Variants in LRFN5 observed in about 807,000 individuals in gnomAD.
LRFN5 encodes leucine-rich repeat and fibronectin type-III domain-containing protein 5.
LRFN5 carries 24 observed loss-of-function variants against 45.6 expected under a neutral mutation model. The observed-to-expected ratio is 0.53, with a 90% CI of 0.38 to 0.74. LRFN5 has a LOEUF of 0.74. LRFN5 is among the 30% of genes least tolerant of loss of function. The pLI, the probability that LRFN5 is intolerant of heterozygous loss-of-function variation, is 0.00. For missense variants in LRFN5, 776 were observed against 861.5 expected (o/e 0.90, Z 1.24); for synonymous variants, 340 against 313.8 (o/e 1.08, Z -0.88).
At chr14:41,781,422 T>C (rs1157327120) in intron 2 of LRFN5, among the ~76,000 whole-genome samples, 5 of 147,412 alleles carry the variant, frequency 3.4e-5, no homozygotes, top group African/African-American at 1.3e-4. Flanking sequence ...CACTTGAGCA[T>C]GGGAGGTTGA....
At chr14:41,758,877 T>G (rs1885528972) in intron 1 of LRFN5, among the ~76,000 whole-genome samples, 1 of 152,222 alleles carries the variant, frequency 6.6e-6, no homozygotes, top group Non-Finnish European at 1.5e-5. Context: ...GAGTCATCTT[T>G]TCTTTTGGAA....
chr14:41,767,637 A>G (rs117330790), intron 2 of LRFN5, among the ~76,000 whole-genome samples: 1,615 of 152,320 alleles, frequency 0.011, 10 homozygotes, highest in Admixed American at 0.017. Context: ...TGAAAATCAT[A>G]TATAGGAAAA....
At chr14:41,808,691 A>AAAATAAGTAAAT (rs1305387358) in intron 2 of LRFN5, among the ~76,000 whole-genome samples, 2 of 152,106 alleles carry the variant, frequency 1.3e-5, no homozygotes, top group African/African-American at 2.4e-5. Context: ...ATGTAAAAAC[A>AAAATAAGTAAAT]CTAAAACAAG....
intron 1 of LRFN5, among the ~76,000 whole-genome samples, chr14:41,663,867 AAT>A (rs1279385055): frequency 6.6e-6 from 1 of 152,038 alleles, no homozygotes; most frequent in African/African-American, 2.4e-5. Flanking sequence ...AAATGAAATA[AAT>A]AGTTTTTTTA....
intron 2 of LRFN5, among the ~76,000 whole-genome samples, chr14:41,828,843 T>G (rs2139028691): frequency 6.6e-6 from 1 of 152,088 alleles, no homozygotes; most frequent in Middle Eastern, 3.4e-3. Flanking sequence ...CAATGGACTT[T>G]ATTTTATGAC....
At chr14:41,638,864 G>A (rs1879431318) in intron 1 of LRFN5, among the ~76,000 whole-genome samples, 1 of 151,868 alleles carries the variant, frequency 6.6e-6, no homozygotes, top group South Asian at 2.1e-4. Context: ...TATTCTTCTA[G>A]AAATACAGCA....
At chr14:41,722,099 G>T in intron 1 of LRFN5, among the ~76,000 whole-genome samples, 1 of 151,426 alleles carries the variant, frequency 6.6e-6, no homozygotes, top group African/African-American at 2.4e-5. Flanking sequence ...GTCTAATTTG[G>T]CTAGTTTGAA....
intron 2 of LRFN5, among the ~76,000 whole-genome samples, chr14:41,835,026 A>T (rs867227452): frequency 6.7e-6 from 1 of 149,152 alleles, no homozygotes; most frequent in Admixed American, 6.7e-5. Flanking sequence ...AAAAAAAAAC[A>T]TGAAATAGAA....
chr14:41,744,104 A>G (rs1464076636), intron 1 of LRFN5, among the ~76,000 whole-genome samples: 2 of 152,190 alleles, frequency 1.3e-5, no homozygotes, highest in African/African-American at 4.8e-5. Context: ...CTATAATCCT[A>G]GCACTTTGGG....
intron 2 of LRFN5, among the ~76,000 whole-genome samples, chr14:41,803,324 C>A (rs1268247632): frequency 1.3e-5 from 2 of 152,004 alleles, no homozygotes; most frequent in Non-Finnish European, 2.9e-5. Context: ...TAATTCAACT[C>A]ATTGAGCAGT....
At chr14:41,721,871 T>G (rs913715715) in intron 1 of LRFN5, among the ~76,000 whole-genome samples, 6 of 152,134 alleles carry the variant, frequency 3.9e-5, no homozygotes, top group African/African-American at 1.4e-4. Context: ...GTACAGTATC[T>G]CACAGTTCTT....
intron 1 of LRFN5, among the ~76,000 whole-genome samples, chr14:41,668,890 A>T (rs1433065766): frequency 3.3e-5 from 5 of 152,122 alleles, no homozygotes; most frequent in Non-Finnish European, 7.4e-5. Context: ...TCTGACTTTT[A>T]TTCTTCTAAA....
chr14:41,825,554 A>T (rs1286942852), intron 2 of LRFN5, among the ~76,000 whole-genome samples: 1 of 152,226 alleles, frequency 6.6e-6, no homozygotes, highest in East Asian at 1.9e-4. Flanking sequence ...CTTGAGGTTC[A>T]GACTACCAGT....
intron 4 of LRFN5, among the ~76,000 whole-genome samples, chr14:41,897,561 T>C (rs1890981216): frequency 6.6e-6 from 1 of 152,136 alleles, no homozygotes; most frequent in Non-Finnish European, 1.5e-5. Context: ...TAATTTTGTG[T>C]CCTGCAATAT....
chr14:41,867,259 A>G (rs943913578), intron 2 of LRFN5, among the ~76,000 whole-genome samples: 4 of 152,086 alleles, frequency 2.6e-5, no homozygotes, highest in Non-Finnish European at 5.9e-5. Flanking sequence ...TGATTTACTT[A>G]GACTCTTGGA....
At chr14:41,675,729 TC>T (rs1176458920) in intron 1 of LRFN5, among the ~76,000 whole-genome samples, 2 of 152,212 alleles carry the variant, frequency 1.3e-5, no homozygotes, top group Non-Finnish European at 1.5e-5. Context: ...AAATGAAATT[TC>T]TGCTTTACAA....
chr14:41,632,136 A>T (rs913276355), intron 1 of LRFN5, among the ~76,000 whole-genome samples: 1 of 152,084 alleles, frequency 6.6e-6, no homozygotes, highest in Admixed American at 6.5e-5. Flanking sequence ...GGAAGTACGT[A>T]TAAAGGGTGA....
intron 2 of LRFN5, among the ~76,000 whole-genome samples, chr14:41,828,282 G>A (rs72668864): frequency 0.23 from 35,120 of 151,710 alleles, 4,601 homozygotes; most frequent in Middle Eastern, 0.35. Flanking sequence ...ACCTAATAAC[G>A]TGTGTTTTCT....
intron 2 of LRFN5, among the ~76,000 whole-genome samples, chr14:41,800,317 G>A (rs754263074): frequency 1.4e-4 from 22 of 152,136 alleles, no homozygotes; most frequent in African/African-American, 5.1e-4. Flanking sequence ...ATGTCCTTAA[G>A]TTAAAGCTAA....
Sources: allele counts gnomAD v4.1 joint callset (sites outside exome capture counted in the v4.1 genomes callset), GRCh38; gene constraint gnomAD v4.1.1; transcripts MANE v1.5; gene names NCBI Gene and HGNC (gene_info 2026-07-23, HGNC 2026-07-21).